SRPK2: variants seen among roughly 807,000 people sequenced by gnomAD.
The protein encoded by SRPK2 is SFRS protein kinase 2.
In SRPK2, 21 loss-of-function variants were observed where a neutral mutation model predicts 90.8. The ratio of observed to expected loss-of-function variants is 0.23; its 90% confidence interval spans 0.16 to 0.33. The LOEUF (loss-of-function observed/expected upper bound fraction) is 0.33, where lower values mean the gene tolerates loss of function less well. SRPK2 is among the 10% of genes least tolerant of loss of function. The pLI is 1.00. For missense variants in SRPK2, 620 were observed against 869.0 expected (o/e 0.71, Z 3.60); for synonymous variants, 288 against 311.1 (o/e 0.93, Z 0.78).
At chr7:105,139,960 G>A (rs1003377694) in intron 11 of SRPK2, among the ~76,000 whole-genome samples, 4 of 152,106 alleles carry the variant, frequency 2.6e-5, no homozygotes, top group African/African-American at 9.6e-5. Context: ...AAAATCCACA[G>A]ATGCTCAAGT....
chr7:105,236,789 C>A (rs918501065), intron 2 of SRPK2, among the ~76,000 whole-genome samples: 1 of 151,736 alleles, frequency 6.6e-6, no homozygotes, highest in African/African-American at 2.4e-5. Context: ...GTGTGAAATG[C>A]CAAATTTAAG....
intron 14 of SRPK2, 151 bp from the exon 15 acceptor site, chr7:105,126,491 A>C (rs1199817882): frequency 4.7e-6 from 3 of 638,174 alleles, no homozygotes; most frequent in South Asian, 2.1e-5. Flanking sequence ...GCTTGTGGGA[A>C]TGGCAGGCCT....
intron 6 of SRPK2, among the ~76,000 whole-genome samples, chr7:105,162,393 C>A (rs1213592060): frequency 6.6e-6 from 1 of 152,040 alleles, no homozygotes; most frequent in Admixed American, 6.6e-5. Flanking sequence ...AACTATGATA[C>A]CTCCAATTTC....
intron 2 of SRPK2, among the ~76,000 whole-genome samples, chr7:105,237,471 A>T (rs1800275525): frequency 6.6e-6 from 1 of 152,232 alleles, no homozygotes; most frequent in South Asian, 2.1e-4. Context: ...TTTCCTCATT[A>T]AAACAACTCA....
At chr7:105,315,951 T>C (rs187304558) in intron 2 of SRPK2, among the ~76,000 whole-genome samples, 82 of 152,244 alleles carry the variant, frequency 5.4e-4, no homozygotes, top group Admixed American at 2.0e-3. Flanking sequence ...ACCTGTTTAG[T>C]ATTATGAAAC....
intron 2 of SRPK2, among the ~76,000 whole-genome samples, chr7:105,346,659 C>T (rs1205414049): frequency 6.6e-6 from 1 of 151,870 alleles, no homozygotes; most frequent in African/African-American, 2.4e-5. Context: ...AAGGCTGAGG[C>T]AGAAGAACTG....
chr7:105,196,478 T>C (rs1204674868), intron 3 of SRPK2, among the ~76,000 whole-genome samples: 4 of 152,192 alleles, frequency 2.6e-5, no homozygotes, highest in African/African-American at 9.7e-5. Flanking sequence ...AGCTGAGTAA[T>C]TTCTGTTATG....
intron 2 of SRPK2, among the ~76,000 whole-genome samples, chr7:105,259,041 G>A (rs1389763211): frequency 2.0e-5 from 3 of 152,150 alleles, no homozygotes; most frequent in East Asian, 1.9e-4. Flanking sequence ...GGCCAGGGCA[G>A]TCAGGCAGGA....
intron 11 of SRPK2, among the ~76,000 whole-genome samples, chr7:105,136,957 G>A (rs1478219863): frequency 6.6e-6 from 1 of 152,106 alleles, no homozygotes; most frequent in Admixed American, 6.6e-5. Context: ...TGGGCAATAA[G>A]GCAAATAAAC....
intron 2 of SRPK2, among the ~76,000 whole-genome samples, chr7:105,378,621 G>C (rs905610410): frequency 1.3e-5 from 2 of 151,984 alleles, no homozygotes. Context: ...AAATTAGCTG[G>C]GCACGGTGGC....
chr7:105,164,521 C>A (rs768284938), intron 6 of SRPK2, among the ~76,000 whole-genome samples: 5 of 152,206 alleles, frequency 3.3e-5, no homozygotes, highest in Non-Finnish European at 5.9e-5. Flanking sequence ...ATTTCACTGA[C>A]ATGGTTAAAT....
chr7:105,339,971 T>C (rs1291577395), intron 2 of SRPK2, among the ~76,000 whole-genome samples: 4 of 150,518 alleles, frequency 2.7e-5, no homozygotes, highest in Non-Finnish European at 4.4e-5. Flanking sequence ...GGTGGGAGGA[T>C]CACTTGAGTC....
chr7:105,376,391 CCCCAT>C (rs1337913465), intron 2 of SRPK2, among the ~76,000 whole-genome samples: 3 of 151,884 alleles, frequency 2.0e-5, no homozygotes, highest in African/African-American at 7.3e-5. Flanking sequence ...TCTACCCTCA[CCCCAT>C]CCCATCCCTA....
chr7:105,233,018 A>C (rs1354440746), intron 2 of SRPK2, among the ~76,000 whole-genome samples: 3 of 151,238 alleles, frequency 2.0e-5, no homozygotes, highest in African/African-American at 7.3e-5. Context: ...GAGGGAGGGA[A>C]AGAAAGGAAA....
intron 2 of SRPK2, among the ~76,000 whole-genome samples, chr7:105,344,803 T>C (rs973172417): frequency 2.0e-5 from 3 of 150,522 alleles, no homozygotes; most frequent in Admixed American, 6.7e-5. Context: ...GGCATTCTTC[T>C]GATTTAAAGC....
chr7:105,229,779 C>CA (rs1237558885), intron 2 of SRPK2, among the ~76,000 whole-genome samples: 1 of 147,674 alleles, frequency 6.8e-6, no homozygotes, highest in Admixed American at 6.9e-5. Flanking sequence ...TAAGAACTTG[C>CA]ACTGCTGTGT....
intron 2 of SRPK2, among the ~76,000 whole-genome samples, chr7:105,233,546 A>G (rs1490030702): frequency 6.6e-6 from 1 of 152,210 alleles, no homozygotes; most frequent in Non-Finnish European, 1.5e-5. Flanking sequence ...TAGTTCCTTT[A>G]TAATTCCTGT....
At chr7:105,368,955 T>C (rs867624910) in intron 2 of SRPK2, among the ~76,000 whole-genome samples, 3 of 148,716 alleles carry the variant, frequency 2.0e-5, no homozygotes, top group African/African-American at 7.4e-5. Context: ...AAACATGGAA[T>C]GGTTTAGGGC....
intron 2 of SRPK2, among the ~76,000 whole-genome samples, chr7:105,225,531 CACTTTTAA>C (rs1563107843): frequency 6.6e-6 from 1 of 152,192 alleles, no homozygotes; most frequent in African/African-American, 2.4e-5. Flanking sequence ...CCAACAAAAC[CACTTTTAA>C]GTATGACACA....
Sources: allele counts gnomAD v4.1 joint callset (sites outside exome capture counted in the v4.1 genomes callset), GRCh38; gene constraint gnomAD v4.1.1; transcripts MANE v1.5; gene names NCBI Gene and HGNC (gene_info 2026-07-23, HGNC 2026-07-21).